Variants in EPHB1 observed in about 807,000 individuals in gnomAD.
EPHB1 encodes the protein EPH receptor B1.
A neutral mutation model predicts 94.4 loss-of-function variants in EPHB1; 30 were observed. The observed-to-expected ratio is 0.32, with a 90% confidence interval of 0.24 to 0.43. EPHB1 has a LOEUF of 0.43. Among genes scored for constraint, EPHB1 ranks in the 20% least tolerant of loss-of-function variants. EPHB1 has a pLI of 1.00. For synonymous variants in EPHB1, 522 were observed against 489.1 expected, an observed-to-expected ratio of 1.07 and a Z score of -0.89; for missense variants, 1,055 against 1,308.3, an observed-to-expected ratio of 0.81 and a Z score of 2.99.
At chr3:134,862,345 C>T (rs1177758380) in intron 1 of EPHB1, among the ~76,000 whole-genome samples, 1 of 151,984 alleles carries the variant, frequency 6.6e-6, no homozygotes, top group Non-Finnish European at 1.5e-5. Context: ...TCCATGGGTG[C>T]ATGGGTGTCT....
chr3:135,152,134 T>A (rs944473038), intron 5 of EPHB1, among the ~76,000 whole-genome samples: 1 of 152,190 alleles, frequency 6.6e-6, no homozygotes, highest in African/African-American at 2.4e-5. Flanking sequence ...TGGCATGTAA[T>A]GGTCATGGGA....
intron 3 of EPHB1, among the ~76,000 whole-genome samples, chr3:135,017,628 G>T (rs1365929685): frequency 1.3e-5 from 2 of 152,126 alleles, no homozygotes; most frequent in African/African-American, 4.8e-5. Context: ...GGTTGGTGGA[G>T]CTACTGTTCA....
intron 3 of EPHB1, among the ~76,000 whole-genome samples, chr3:135,096,899 C>T (rs928395105): frequency 3.9e-5 from 6 of 152,062 alleles, no homozygotes; most frequent in Non-Finnish European, 7.4e-5. Context: ...AGATCGAGAC[C>T]ATCCTGGCTA....
chr3:135,048,391 T>C (rs959079083), intron 3 of EPHB1, among the ~76,000 whole-genome samples: 9 of 147,912 alleles, frequency 6.1e-5, no homozygotes, highest in Admixed American at 5.4e-4. Flanking sequence ...CACCTCAGCC[T>C]CCCCAGTAGC....
Position 135,132,714 on chromosome 3 carries a change from G to A in EPHB1, c.962G>A (p.Ser321Asn), listed in dbSNP as rs1392317087. Reference protein sequence around the residue: ...DFDPPEVACTSVPSGPRNVIS... With the variant: ...DFDPPEVACTNVPSGPRNVIS... Reference sequence around the variant, plus strand: ...CTGGACCTTCTTTGTCTCCCTGCAGGCGTCCCATCAGGTCCCCGCAATGTT... The same window carrying A: ...CTGGACCTTCTTTGTCTCCCTGCAGACGTCCCATCAGGTCCCCGCAATGTT... Residue 321 changes from serine to asparagine, a missense_variant and splice_region_variant, in exon 5 of 16, where the codon AGC becomes AAC. Coordinates refer to ENST00000398015, the MANE Select transcript of EPHB1 (RefSeq NM_004441.5). 2 of 1,575,716 alleles carry A rather than the reference G, an allele frequency of 1.3e-6. No individual in the cohort carries two copies. The highest frequency in any genetic ancestry group is 1.7e-5 in the Admixed American group (1 of 58,318).
intron 3 of EPHB1, among the ~76,000 whole-genome samples, chr3:134,979,947 A>C (rs1181110654): frequency 6.6e-6 from 1 of 152,216 alleles, no homozygotes; most frequent in Non-Finnish European, 1.5e-5. Flanking sequence ...GCCCAAATGC[A>C]AAAGTCATTT....
intron 2 of EPHB1, among the ~76,000 whole-genome samples, chr3:134,931,933 G>A (rs1429392889): frequency 6.6e-6 from 1 of 151,912 alleles, no homozygotes; most frequent in East Asian, 1.9e-4. Context: ...GTGTATATGT[G>A]TATCTGTATA....
At chr3:134,917,364 G>T (rs1168451735) in intron 1 of EPHB1, among the ~76,000 whole-genome samples, 2 of 152,334 alleles carry the variant, frequency 1.3e-5, no homozygotes, top group South Asian at 4.2e-4. Flanking sequence ...ATGTCCCCAT[G>T]CTCTGGTCTG....
chr3:135,190,132 T>A (rs936727520), intron 10 of EPHB1, among the ~76,000 whole-genome samples: 2 of 152,216 alleles, frequency 1.3e-5, no homozygotes, highest in East Asian at 3.8e-4. Context: ...AGCTGTGTGA[T>A]TGGGACATGT....
chr3:134,948,594 G>A (rs1044937502), intron 2 of EPHB1, among the ~76,000 whole-genome samples: 1 of 152,268 alleles, frequency 6.6e-6, no homozygotes, highest in South Asian at 2.1e-4. Flanking sequence ...GCAAAGTCCA[G>A]GTGAGGCTCG....
At chr3:134,883,858 G>A (rs1391738679) in intron 1 of EPHB1, among the ~76,000 whole-genome samples, 1 of 152,188 alleles carries the variant, frequency 6.6e-6, no homozygotes, top group African/African-American at 2.4e-5. Flanking sequence ...AGTGGTCAGG[G>A]TGAGCACTCT....
chr3:134,811,822 A>G (rs2036185848), intron 1 of EPHB1, among the ~76,000 whole-genome samples: 1 of 152,164 alleles, frequency 6.6e-6, no homozygotes, highest in Admixed American at 6.5e-5. Context: ...AATCAGTTTT[A>G]CCCAGTATGG....
chr3:134,832,018 T>G (rs902499399), intron 1 of EPHB1, among the ~76,000 whole-genome samples: 1 of 152,232 alleles, frequency 6.6e-6, no homozygotes, highest in Non-Finnish European at 1.5e-5. Flanking sequence ...GGTTGCTGGA[T>G]AAAATACAGG....
intron 1 of EPHB1, among the ~76,000 whole-genome samples, chr3:134,798,803 G>A (rs1421005690): frequency 6.6e-6 from 1 of 152,216 alleles, no homozygotes; most frequent in East Asian, 1.9e-4. Context: ...TGCCCTTTGG[G>A]ATAGGATCTG....
intron 7 of EPHB1, 132 bp downstream of exon 7, chr3:135,162,312 T>G: frequency 1.9e-5 from 21 of 1,093,258 alleles, no homozygotes; most frequent in Non-Finnish European, 2.5e-5. Context: ...TTCAAACGGT[T>G]TGCCTCCCAG....
intron 3 of EPHB1, among the ~76,000 whole-genome samples, chr3:135,029,442 T>C (rs1280519116): frequency 6.7e-6 from 1 of 148,154 alleles, no homozygotes; most frequent in East Asian, 2.0e-4. Context: ...CTCTCAGCAT[T>C]TGCTTGTCTA....
At chr3:135,219,660 G>T (rs2107719551) in intron 12 of EPHB1, among the ~76,000 whole-genome samples, 1 of 152,316 alleles carries the variant, frequency 6.6e-6, no homozygotes, top group South Asian at 2.1e-4. Context: ...TGTTCACTGA[G>T]TTGGCAATGT....
chr3:135,096,702 A>G (rs534993250), intron 3 of EPHB1, among the ~76,000 whole-genome samples: 42 of 152,358 alleles, frequency 2.8e-4, no homozygotes, highest in African/African-American at 9.4e-4. Context: ...CAGGGCAGAA[A>G]GAAAGCTCTC....
chr3:135,227,600 G>C (rs1049471960), intron 12 of EPHB1, among the ~76,000 whole-genome samples: 9 of 151,968 alleles, frequency 5.9e-5, no homozygotes, highest in Non-Finnish European at 8.8e-5. Flanking sequence ...TGGTCATCTA[G>C]GTGGCTTCTG....
Sources: gnomAD v4.1 joint callset for allele counts (sites outside exome capture counted in the v4.1 genomes callset) on GRCh38, gnomAD v4.1.1 for gene constraint, MANE v1.5 for transcripts, NCBI Gene and HGNC (gene_info 2026-07-23, HGNC 2026-07-21) for gene names.